Variants in VIT observed in about 807,000 individuals in gnomAD.
The protein encoded by VIT is vitrin.
Under a neutral mutation model 78.0 loss-of-function variants are expected in VIT, and 99 were observed. The ratio of observed to expected loss-of-function variants is 1.27; its 90% CI spans 1.08 to 1.50. The LOEUF is 1.50. Ranked by LOEUF, VIT falls within the 40% of genes most tolerant of loss-of-function variation. VIT has a pLI of 0.00. For missense variants in VIT, 1,126 were observed against 875.3 expected, an observed-to-expected ratio of 1.29 and a Z score of -3.61; for synonymous variants, 374 against 334.3, an observed-to-expected ratio of 1.12 and a Z score of -1.29.
Position 36,787,271 on chromosome 2 carries a change from G to T in VIT, c.1053G>T (p.Gln351His). The change falls in exon 12 of 16, where the codon CAG (glutamine) becomes CAT (histidine). Residue 351 changes from glutamine (Q) to histidine (H), a missense_variant. By Grantham distance (24) the Gln-to-His change is conservative. Coordinates refer to ENST00000379242, the MANE Select transcript of VIT (RefSeq NM_053276.4). ...CCGGTCCACTGATGGGTGTTGTCCA[G>T]TATGGGTAAGTGCAGTTAATGTTCT... ...GPAGPLMGVVQYGDNPATHFN... is the reference protein window; with the variant it reads ...GPAGPLMGVVHYGDNPATHFN... The T allele has an allele frequency of 6.2e-7, 1 of 1,613,364 alleles. No individual in the cohort carries two copies. Among genetic ancestry groups the T allele is most frequent in the Non-Finnish European group, 8.5e-7 (1 of 1,179,584 alleles).
At position 36,705,997 on chromosome 2, in the gene VIT, G is replaced by A. The variant is rs1187687759; in HGVS notation, c.-19+9024G>A. Among the ~76,000 whole-genome samples the A allele has an allele frequency of 2.0e-5, 3 of 152,268 alleles. No individual in the cohort carries two copies. The South Asian group carries it at 6.2e-4, about 32-fold the overall frequency. ...AAAAAGTCTCCAAACACTATTATATGTCTCCTGCGGGACCAAATCACCTCT... is the reference window on the plus strand; with the variant it reads ...AAAAAGTCTCCAAACACTATTATATATCTCCTGCGGGACCAAATCACCTCT... On this transcript the variant is annotated intron_variant, in intron 1 of 15. Transcript: ENST00000379242.
At chr2:36,782,546 T>C (rs1664830326) in intron 10 of VIT, among the ~76,000 whole-genome samples, 1 of 152,236 alleles carries the variant, frequency 6.6e-6, no homozygotes, top group Admixed American at 6.5e-5. Flanking sequence ...CCGGGCCTCC[T>C]GAAAACGGGG....
At position 36,710,977 on chromosome 2, in the gene VIT, G is replaced by A. The variant is rs564425150; in HGVS notation, c.-18-5376G>A. On this transcript the variant is annotated intron_variant, in intron 1 of 15. Transcript: ENST00000379242. ...AATATATTTAGCTTTTTAACTTTTT[G>A]AGATACTACCAAACTGTTTTCCAAA... 5.3e-5 allele frequency among the ~76,000 whole-genome samples: 8 copies of A among 152,282 alleles called. No homozygotes were observed. The East Asian group carries it at 1.5e-3, about 29-fold the overall frequency.
rs144439240 is a variant in VIT at position 36,749,527 on chromosome 2, T to A, written c.276-5394T>A. 7.9e-5 allele frequency among the ~76,000 whole-genome samples: 12 copies of A among 152,368 alleles called. No homozygotes were observed. In the East Asian group the frequency reaches 2.3e-3, roughly 29 times the overall value. On this transcript the variant is annotated intron_variant, in intron 4 of 15. Transcript: ENST00000379242. ...TGTGCCAAGCACTTTACCTTCTTTA[T>A]CTTATTTAATCCTGACAATAATTCC...
chr2:36,702,711 C>T (rs565439563), intron 1 of VIT, among the ~76,000 whole-genome samples: 3 of 152,270 alleles, frequency 2.0e-5, no homozygotes, highest in South Asian at 2.1e-4. Flanking sequence ...CTAGTTGGTA[C>T]TGTTGTGAGC....
intron 15 of VIT, among the ~76,000 whole-genome samples, chr2:36,811,761 C>T (rs1252433045): frequency 6.6e-6 from 1 of 151,812 alleles, no homozygotes; most frequent in Non-Finnish European, 1.5e-5. Context: ...CAACCTCCGC[C>T]TCCTGGGTTC....
At chr2:36,724,356 A>G (rs1179575642) in intron 2 of VIT, among the ~76,000 whole-genome samples, 4 of 152,190 alleles carry the variant, frequency 2.6e-5, no homozygotes, top group Non-Finnish European at 5.9e-5. Flanking sequence ...TCCATTGCCA[A>G]CTACCCTCAC....
chr2:36,724,431 C>G (rs1666712645), intron 2 of VIT, among the ~76,000 whole-genome samples: 1 of 152,180 alleles, frequency 6.6e-6, no homozygotes, highest in Non-Finnish European at 1.5e-5. Flanking sequence ...GCCATCCATT[C>G]TGGTGCTCTG....
At chr2:36,797,563 G>A (rs1462829757) in intron 12 of VIT, among the ~76,000 whole-genome samples, 1 of 152,186 alleles carries the variant, frequency 6.6e-6, no homozygotes, top group Non-Finnish European at 1.5e-5. Flanking sequence ...AGGCTTGGAA[G>A]ATAAACAACT....
Position 36,801,407 on chromosome 2 carries a change from A to G in VIT, c.1162+3A>G. On this transcript the variant is annotated splice_donor_region_variant and intron_variant, in intron 13 of 15. Coordinates refer to ENST00000379242, the MANE Select transcript of VIT (RefSeq NM_053276.4). The stretch of plus-strand genomic sequence containing the variant: ...GAGAGGAGGACTTTCTAATGTAGGT[A>G]TGTGATCCGGATTCAAATTATACTA... 1 of 1,602,432 alleles carries G rather than the reference A, an allele frequency of 6.2e-7. No homozygotes were observed. Among genetic ancestry groups the G allele is most frequent in the South Asian group, 1.1e-5 (1 of 90,772 alleles).
At chr2:36,786,164 ACT>A (rs201185093) in intron 11 of VIT, among the ~76,000 whole-genome samples, 1,557 of 134,076 alleles carry the variant, frequency 0.012, 18 homozygotes, top group African/African-American at 0.041. Context: ...AACTTTACTC[ACT>A]CTTTTTTTTT....
At chr2:36,787,072 C>T in intron 11 of VIT, 57 bp from the exon 12 acceptor site, 2 of 1,597,512 alleles carry the variant, frequency 1.3e-6, no homozygotes, top group South Asian at 2.2e-5. Context: ...CAAGAGGATG[C>T]CCAGGTAAAT....
chr2:36,791,842 G>T (rs191554291), intron 12 of VIT, among the ~76,000 whole-genome samples: 5 of 152,138 alleles, frequency 3.3e-5, no homozygotes, highest in Non-Finnish European at 7.4e-5. Flanking sequence ...TGTTGTTTAA[G>T]CCACCAAGTT....
intron 2 of VIT, among the ~76,000 whole-genome samples, chr2:36,717,260 G>T (rs1248597128): frequency 3.4e-5 from 5 of 146,842 alleles, no homozygotes; most frequent in Non-Finnish European, 7.4e-5. Context: ...CTCACTGCAA[G>T]CTCTCCCTCC....
intron 3 of VIT, among the ~76,000 whole-genome samples, chr2:36,735,058 G>A (rs951382407): frequency 1.2e-4 from 18 of 152,070 alleles, no homozygotes; most frequent in African/African-American, 4.3e-4. Context: ...CAGCTACTTG[G>A]GAGGCTGAGG....
intron 14 of VIT, among the ~76,000 whole-genome samples, chr2:36,806,940 C>A: frequency 6.6e-6 from 1 of 152,118 alleles, no homozygotes; most frequent in African/African-American, 2.4e-5. Context: ...CTACCAGAAC[C>A]TTAAATCCCA....
chr2:36,756,652 G>C (rs146547934), intron 5 of VIT, among the ~76,000 whole-genome samples: 7 of 152,272 alleles, frequency 4.6e-5, no homozygotes, highest in African/African-American at 1.7e-4. Context: ...AAATTAGACT[G>C]GTTTCTTTGT....
intron 6 of VIT, among the ~76,000 whole-genome samples, chr2:36,764,297 C>A (rs920077332): frequency 6.6e-6 from 1 of 152,102 alleles, no homozygotes; most frequent in African/African-American, 2.4e-5. Context: ...ATAAAATATA[C>A]AAGTGGATTT....
chr2:36,756,476 A>G (rs931250629), intron 5 of VIT, among the ~76,000 whole-genome samples: 24 of 152,192 alleles, frequency 1.6e-4, no homozygotes, highest in African/African-American at 5.5e-4. Context: ...AGGTCTTCCA[A>G]TCTGGGTGGT....
Sources: allele counts gnomAD v4.1 joint callset (sites outside exome capture counted in the v4.1 genomes callset), GRCh38; gene constraint gnomAD v4.1.1; transcripts MANE v1.5; gene names NCBI Gene and HGNC (gene_info 2026-07-23, HGNC 2026-07-21).